The following FIP1L1 variants were observed in gnomAD, a reference collection of about 807,000 sequenced individuals.
FIP1L1 encodes the protein pre-mRNA 3'-end-processing factor FIP1.
A neutral mutation model predicts 84.6 loss-of-function variants in FIP1L1; 21 were observed. The ratio of observed to expected loss-of-function variants is 0.25; its 90% CI spans 0.18 to 0.36. The LOEUF is 0.36. FIP1L1 is among the 10% of genes least tolerant of loss of function. The pLI is 1.00. For synonymous variants in FIP1L1, 263 were observed against 242.3 expected (o/e 1.09, Z -0.80); for missense variants, 526 against 751.1 (o/e 0.70, Z 3.50).
In FIP1L1 at chr4:53,459,932, T is replaced by TA. The variant is rs1196449548; in HGVS notation, c.*484dup. On this transcript the variant is annotated 3_prime_UTR_variant, in exon 18 of 18. Coordinates refer to ENST00000337488, the MANE Select transcript of FIP1L1 (RefSeq NM_030917.4). ...TATTAAGAGACTCATACATTTTTGA[T>TA]ATCACAACTTTTTGATGGCTTTTCA... 4.6e-6 allele frequency: 1 copy of TA among 218,080 alleles called. No homozygotes were observed. Among genetic ancestry groups the TA allele is most frequent in the African/African-American group, 2.2e-5 (1 of 44,496 alleles). 13.5% of individuals were successfully genotyped at this position (218,080 alleles called of 1,614,324 possible).
rs773899215 is a variant in FIP1L1 at position 53,416,078 on chromosome 4, A to T, written c.923+1356A>T. ...GTTATTTTAAATAAAGAAAAGTTAG[A>T]TCTGACAAGTGTAGAATGAAGTGTA... On this transcript the variant is annotated intron_variant, in intron 11 of 17. Coordinates refer to ENST00000337488, the MANE Select transcript of FIP1L1 (RefSeq NM_030917.4). Among the ~76,000 whole-genome samples, 8 of 152,252 alleles carry T rather than the reference A, an allele frequency of 5.3e-5. No individual in the cohort carries two copies. In the South Asian group the frequency reaches 1.7e-3, roughly 31 times the overall value.
intron 14 of FIP1L1, among the ~76,000 whole-genome samples, chr4:53,443,489 A>G (rs1275733812): frequency 6.6e-6 from 1 of 152,188 alleles, no homozygotes; most frequent in Non-Finnish European, 1.5e-5. Flanking sequence ...AAAATGATTC[A>G]AATAATGTAA....
chr4:53,423,789 A>G (rs1251053762), intron 11 of FIP1L1, among the ~76,000 whole-genome samples: 1 of 152,224 alleles, frequency 6.6e-6, no homozygotes, highest in Non-Finnish European at 1.5e-5. Flanking sequence ...TTAGAAACAT[A>G]GTATTTGCCA....
intron 11 of FIP1L1, among the ~76,000 whole-genome samples, chr4:53,421,719 T>A (rs949670890): frequency 6.6e-6 from 1 of 152,220 alleles, no homozygotes; most frequent in Non-Finnish European, 1.5e-5. Context: ...TACATTGATA[T>A]GTGATTCACC....
chr4:53,418,887 C>A (rs1414075739), intron 11 of FIP1L1, among the ~76,000 whole-genome samples: 3 of 152,208 alleles, frequency 2.0e-5, no homozygotes, highest in Non-Finnish European at 4.4e-5. Flanking sequence ...CTCTGACTAT[C>A]TCCTTTTATG....
intron 8 of FIP1L1, 32 bp from the exon 9 acceptor site, chr4:53,391,398 T>C: frequency 6.4e-7 from 1 of 1,557,712 alleles, no homozygotes; most frequent in Non-Finnish European, 8.9e-7. Context: ...TATTATGTGG[T>C]ATCTTAATGG....
At chr4:53,424,815 T>A (rs1022094407) in intron 11 of FIP1L1, among the ~76,000 whole-genome samples, 6 of 152,114 alleles carry the variant, frequency 3.9e-5, no homozygotes, top group African/African-American at 1.4e-4. Flanking sequence ...TTAGAAAGAC[T>A]CAGGTTTGAA....
At chr4:53,379,002 A>AT (rs1013936115) in intron 1 of FIP1L1, 71 bp from the exon 2 acceptor site, 1,823 of 1,450,200 alleles carry the variant, frequency 1.3e-3, no homozygotes, top group Non-Finnish European at 1.4e-3. Context: ...GTAAAGTCTG[A>AT]TTTTTTTTTC....
intron 10 of FIP1L1, among the ~76,000 whole-genome samples, chr4:53,409,317 G>A (rs1287448712): frequency 6.6e-5 from 10 of 152,134 alleles, no homozygotes; most frequent in South Asian, 2.1e-4. Flanking sequence ...GCGGATTTTC[G>A]TGAACCGCGA....
intron 4 of FIP1L1, among the ~76,000 whole-genome samples, chr4:53,382,819 G>A (rs1257998169): frequency 6.6e-6 from 1 of 152,168 alleles, no homozygotes; most frequent in African/African-American, 2.4e-5. Context: ...CCGGAAGTTT[G>A]AAGTTGTATA....
intron 9 of FIP1L1, among the ~76,000 whole-genome samples, chr4:53,399,399 C>T (rs753739082): frequency 2.4e-4 from 37 of 152,076 alleles, no homozygotes; most frequent in African/African-American, 2.9e-4. Flanking sequence ...TTCTTGAATT[C>T]GAAACATGAA....
chr4:53,419,691 G>T (rs1354369895), intron 11 of FIP1L1, among the ~76,000 whole-genome samples: 2 of 151,860 alleles, frequency 1.3e-5, no homozygotes, highest in African/African-American at 4.8e-5. Flanking sequence ...CTCCTGCCTC[G>T]GCCTACTCCC....
chr4:53,435,573 G>A (rs1210005966), intron 13 of FIP1L1, among the ~76,000 whole-genome samples: 1 of 152,020 alleles, frequency 6.6e-6, no homozygotes, highest in African/African-American at 2.4e-5. Context: ...CCTAATAAAG[G>A]TAACATAGTT....
intron 15 of FIP1L1, 134 bp downstream of exon 15, chr4:53,444,237 T>C: frequency 1.7e-6 from 1 of 576,474 alleles, no homozygotes; most frequent in African/African-American, 1.9e-5. Flanking sequence ...CAGGAATGAG[T>C]GGTCTATGTA....
At chr4:53,432,252 G>T (rs1767021265) in intron 13 of FIP1L1, among the ~76,000 whole-genome samples, 1 of 151,630 alleles carries the variant, frequency 6.6e-6, no homozygotes, top group Non-Finnish European at 1.5e-5. Flanking sequence ...GAAAAAATTA[G>T]CTGGGTGTGG....
Position 53,442,596 on chromosome 4 carries a change from C to T in FIP1L1, c.1175-57C>T, listed in dbSNP as rs561852857. On this transcript the variant is annotated intron_variant, in intron 13 of 17. Coordinates refer to ENST00000337488, the MANE Select transcript of FIP1L1 (RefSeq NM_030917.4). ...AGTGATATGCAGCAACTTTGTTTCACTCTTGACATTAAGTGTACATTGTTA... is the reference window on the plus strand; with the variant it reads ...AGTGATATGCAGCAACTTTGTTTCATTCTTGACATTAAGTGTACATTGTTA... 20 of 1,211,714 alleles carry T rather than the reference C, an allele frequency of 1.7e-5. No individual in the cohort carries two copies. In the East Asian group the frequency reaches 3.0e-4, roughly 18 times the overall value. 75.1% of individuals were successfully genotyped at this position (1,211,714 alleles called of 1,614,324 possible). A position where few individuals can be genotyped will look rare whatever the true frequency, so the allele number is the denominator to read the frequency against.
chr4:53,428,251 A>G, intron 13 of FIP1L1, 68 bp downstream of exon 13: 1 of 1,427,648 alleles, frequency 7.0e-7, no homozygotes, highest in Non-Finnish European at 9.4e-7. Flanking sequence ...AAAATTTTTG[A>G]CAATTAAAAT....
chr4:53,379,077 A>C lies in FIP1L1; in HGVS notation c.90A>C (p.Pro30=). 6.2e-7 allele frequency: 1 copy of C among 1,614,066 alleles called. No individual in the cohort carries two copies. Among genetic ancestry groups the C allele is most frequent in the South Asian group, 1.1e-5 (1 of 91,044 alleles). ...TAACTTTGGATGTGCTTATAGGCCC[A>C]TGGGACGTGCATGTGCACAGTGATT... The part of the protein sequence containing the change: ...DEEEEWLYGG[P]WDVHVHSDLA... The change falls in exon 2 of 18, where the codon CCA becomes CCC. Residue 30 remains proline (P), a synonymous_variant. Coordinates refer to ENST00000337488, the MANE Select transcript of FIP1L1 (RefSeq NM_030917.4).
intron 11 of FIP1L1, among the ~76,000 whole-genome samples, chr4:53,417,259 C>T (rs1759898516): frequency 6.6e-6 from 1 of 152,150 alleles, no homozygotes; most frequent in Non-Finnish European, 1.5e-5. Context: ...AAAAAACACC[C>T]TTCACTTTAA....
Sources: allele counts gnomAD v4.1 joint callset (sites outside exome capture counted in the v4.1 genomes callset), GRCh38; gene constraint gnomAD v4.1.1; transcripts MANE v1.5; gene names NCBI Gene and HGNC (gene_info 2026-07-23, HGNC 2026-07-21).